ARHGAP8: variants seen among roughly 807,000 people sequenced by gnomAD.
ARHGAP8 encodes rho GTPase-activating protein 8.
A neutral mutation model predicts 46.1 loss-of-function variants in ARHGAP8; 62 were observed. The observed-to-expected ratio is 1.34, with a 90% CI of 1.10 to 1.66. The LOEUF is 1.66. Ranked by LOEUF, ARHGAP8 falls within the 40% of genes most tolerant of loss-of-function variation. ARHGAP8 has a pLI of 0.00. For missense variants in ARHGAP8, 923 were observed against 568.4 expected, an observed-to-expected ratio of 1.62 and a Z score of -6.34; for synonymous variants, 375 against 243.1, an observed-to-expected ratio of 1.54 and a Z score of -5.05.
chr22:44,858,955 G>C (rs1316119403), intron 10 of ARHGAP8, among the ~76,000 whole-genome samples: 1 of 151,838 alleles, frequency 6.6e-6, no homozygotes, highest in African/African-American at 2.4e-5. Flanking sequence ...GCTCTGCCCT[G>C]ATGAGGCAAA....
At chr22:44,787,048 A>AAAAAAG (rs1275856795) in intron 2 of ARHGAP8, among the ~76,000 whole-genome samples, 2 of 80,658 alleles carry the variant, frequency 2.5e-5, no homozygotes, top group Non-Finnish European at 6.1e-5. Context: ...AAAAAAAAAA[A>AAAAAAG]AAAGAAAGAA....
chr22:44,770,005 G>C (rs1000462932), intron 1 of ARHGAP8, among the ~76,000 whole-genome samples: 1 of 152,144 alleles, frequency 6.6e-6, no homozygotes, highest in Admixed American at 6.5e-5. Context: ...CAGCACTTTG[G>C]GAGGCCGAGG....
At chr22:44,812,417 C>T (rs1400833037) in intron 4 of ARHGAP8, among the ~76,000 whole-genome samples, 6 of 143,654 alleles carry the variant, frequency 4.2e-5, no homozygotes, top group Admixed American at 7.3e-5. Flanking sequence ...AGTGCAGTGG[C>T]GCGATCTTGG....
Position 44,860,315 on chromosome 22 carries a change from C to T in ARHGAP8, c.981+481C>T, listed in dbSNP as rs578101292. On this transcript the variant is annotated intron_variant, in intron 11 of 11. Coordinates refer to ENST00000356099, the MANE Select transcript of ARHGAP8 (RefSeq NM_181335.3). ...GTCACTCTTCTAGAGGCTAGCAGTCCAAAAGCAAGGTGTGGCGGGCTGTGC... is the reference window on the plus strand; with the variant it reads ...GTCACTCTTCTAGAGGCTAGCAGTCTAAAAGCAAGGTGTGGCGGGCTGTGC... Among the ~76,000 whole-genome samples, 10 of 152,250 alleles carry T rather than the reference C, an allele frequency of 6.6e-5. No homozygotes were observed. The South Asian group carries it at 1.5e-3, about 22-fold the overall frequency.
Position 44,857,231 on chromosome 22 carries a change from C to G in ARHGAP8, c.878-2500C>G, listed in dbSNP as rs977041017. On this transcript the variant is annotated intron_variant, in intron 10 of 11. Transcript: ENST00000356099. ...CTGGTATTATAGGTGTGAGCCACCA[C>G]GACCAGTCTTGAGTAAGAATTCTTT... 1.3e-5 allele frequency among the ~76,000 whole-genome samples: 2 copies of G among 151,830 alleles called. 1 individual carries two copies. The highest frequency in any genetic ancestry group is 1.3e-4 in the Admixed American group (2 of 15,254).
intron 1 of ARHGAP8, among the ~76,000 whole-genome samples, chr22:44,766,515 T>A (rs2147001567): frequency 6.6e-6 from 1 of 152,050 alleles, no homozygotes; most frequent in East Asian, 1.9e-4. Context: ...TGTGCATGTC[T>A]GTGTGCGTGT....
chr22:44,848,756 A>T (rs1340324222), intron 9 of ARHGAP8, among the ~76,000 whole-genome samples, 176 bp from the exon 10 acceptor site: 1 of 152,098 alleles, frequency 6.6e-6, no homozygotes, highest in Non-Finnish European at 1.5e-5. Flanking sequence ...GTAGGGGCTG[A>T]TGGGGCCAGA....
chr22:44,802,124 A>C lies in ARHGAP8; in HGVS notation c.127A>C (p.Met43Leu), dbSNP rs774113480. The change falls in exon 3 of 12, where the codon ATG (methionine) becomes CTG (leucine). Residue 43 changes from methionine to leucine, a missense_variant. Physicochemically the swap from Met to Leu is conservative, Grantham distance 15. Transcript: ENST00000356099. ...RRVVTFSCCR[M>L]PPSHELDHQR... ...TGTTGTCACGTTCAGCTGCTGCCGG[A>C]TGCCACCCTCCCACGAGCTGGACCA... 1.2e-6 allele frequency: 2 copies of C among 1,614,140 alleles called. No individual in the cohort carries two copies. Among genetic ancestry groups the C allele is most frequent in the East Asian group, 2.2e-5 (1 of 44,876 alleles).
rs187101881 is a variant in ARHGAP8, at chr22:44,817,076, G to A, written c.386+2318G>A. ...AATTTTTGTGTTTTTAGTAGAGACG[G>A]GGTTTCACCATGTTGGCCAGGCTGG... On this transcript the variant is annotated intron_variant, in intron 5 of 11. Transcript: ENST00000356099. 2.3e-3 allele frequency among the ~76,000 whole-genome samples: 346 copies of A among 152,198 alleles called. 3 individuals carry two copies. The highest frequency in any genetic ancestry group is 7.7e-3 in the African/African-American group (321 of 41,540).
chr22:44,797,307 T>C (rs1317635049), intron 2 of ARHGAP8, among the ~76,000 whole-genome samples: 1 of 151,912 alleles, frequency 6.6e-6, no homozygotes, highest in Non-Finnish European at 1.5e-5. Context: ...AGTAGCCTTA[T>C]AAATCACCCA....
chr22:44,783,381 A>AC (rs948158189), intron 1 of ARHGAP8, among the ~76,000 whole-genome samples: 4 of 151,874 alleles, frequency 2.6e-5, no homozygotes, highest in African/African-American at 9.7e-5. Flanking sequence ...CAGGGCCAGC[A>AC]CCAGCCAGGA....
intron 4 of ARHGAP8, chr22:44,809,171 C>A (rs1929162815): frequency 4.2e-6 from 2 of 470,952 alleles, no homozygotes; most frequent in Admixed American, 2.4e-5. Flanking sequence ...GCTTTGCAGG[C>A]CTGTTGCTCT....
intron 11 of ARHGAP8, among the ~76,000 whole-genome samples, chr22:44,860,269 G>A (rs2070406888): frequency 2.0e-5 from 3 of 152,100 alleles, no homozygotes; most frequent in South Asian, 2.1e-4. Context: ...CATCGTGGGT[G>A]CCTTAAAACA....
chr22:44,789,551 G>A (rs2147054575), intron 2 of ARHGAP8, among the ~76,000 whole-genome samples: 1 of 152,260 alleles, frequency 6.6e-6, no homozygotes, highest in African/African-American at 2.4e-5. Flanking sequence ...CCCAGGCTGT[G>A]CAGTGGCGCT....
chr22:44,760,915 G>C (rs142615950), intron 1 of ARHGAP8, among the ~76,000 whole-genome samples: 1 of 152,192 alleles, frequency 6.6e-6, no homozygotes, highest in African/African-American at 2.4e-5. Flanking sequence ...GGCTTGTCAG[G>C]GAGGGTCGGG....
At chr22:44,860,888 G>T (rs146137817) in intron 11 of ARHGAP8, among the ~76,000 whole-genome samples, 20 of 152,306 alleles carry the variant, frequency 1.3e-4, no homozygotes, top group African/African-American at 4.8e-4. Flanking sequence ...CCTGAGCAGA[G>T]TAGGCGTCAC....
chr22:44,780,112 G>A lies in ARHGAP8; in HGVS notation c.-71-6345G>A, dbSNP rs749987641. Among the ~76,000 whole-genome samples, 15 of 152,288 alleles carry A rather than the reference G, an allele frequency of 9.8e-5. No individual in the cohort carries two copies. The South Asian group carries it at 2.7e-3, about 27-fold the overall frequency. Reference sequence around the variant, plus strand: ...CTAATGTATGTTCTCCCTCCAGCCTGGTCCTGGGAGAAGATCATTGGTATA... The same window carrying A: ...CTAATGTATGTTCTCCCTCCAGCCTAGTCCTGGGAGAAGATCATTGGTATA... On this transcript the variant is annotated intron_variant, in intron 1 of 11. Coordinates refer to ENST00000356099, the MANE Select transcript of ARHGAP8 (RefSeq NM_181335.3).
intron 3 of ARHGAP8, among the ~76,000 whole-genome samples, chr22:44,806,856 C>T (rs187379087): frequency 3.3e-5 from 5 of 151,358 alleles, no homozygotes; most frequent in Admixed American, 3.3e-4. Context: ...CCCAGCTACT[C>T]AGGAGGCTGA....
chr22:44,820,006 C>T (rs984484140), intron 5 of ARHGAP8, among the ~76,000 whole-genome samples: 1 of 152,210 alleles, frequency 6.6e-6, no homozygotes. Flanking sequence ...CCTGTGAGAT[C>T]TTGGGCAGCC....
Sources: allele counts gnomAD v4.1 joint callset (sites outside exome capture counted in the v4.1 genomes callset), GRCh38; gene constraint gnomAD v4.1.1; transcripts MANE v1.5; gene names NCBI Gene and HGNC (gene_info 2026-07-23, HGNC 2026-07-21).